Variants in KLHDC1 observed in about 807,000 individuals in gnomAD.
KLHDC1 encodes the protein kelch domain containing 1, also known as kelch domain-containing protein 1.
A neutral mutation model predicts 68.3 loss-of-function variants in KLHDC1; 53 were observed. The ratio of observed to expected loss-of-function variants is 0.78; its 90% CI spans 0.62 to 0.98. KLHDC1 has a LOEUF of 0.98. Among genes scored for constraint, KLHDC1 ranks in the 50% least tolerant of loss-of-function variants. KLHDC1 has a pLI of 0.00. For synonymous variants in KLHDC1, 148 were observed against 159.0 expected, an observed-to-expected ratio of 0.93 and a Z score of 0.52; for missense variants, 470 against 492.3, an observed-to-expected ratio of 0.95 and a Z score of 0.43.
At chr14:49,736,117 A>C (rs1253408490) in intron 10 of KLHDC1, among the ~76,000 whole-genome samples, 1 of 152,224 alleles carries the variant, frequency 6.6e-6, no homozygotes, top group East Asian at 1.9e-4. Context: ...GATTGTATGA[A>C]TGCATTATAG....
chr14:49,705,328 A>G (rs1447174464), intron 1 of KLHDC1, among the ~76,000 whole-genome samples: 1 of 149,582 alleles, frequency 6.7e-6, no homozygotes, highest in Admixed American at 6.7e-5. Context: ...ACTTAAACAG[A>G]GTAATGACAA....
In KLHDC1 at chr14:49,739,483, A is replaced by G. The variant is rs1258115155; in HGVS notation, c.897-615A>G. On this transcript the variant is annotated intron_variant, in intron 10 of 12. Coordinates refer to ENST00000359332, the MANE Select transcript of KLHDC1 (RefSeq NM_172193.3). Reference sequence around the variant, plus strand: ...TGAGAGACTGAAAAACTAGGAACATATTATGGTGTTCTGTACTCAGAGTGA... The same window carrying G: ...TGAGAGACTGAAAAACTAGGAACATGTTATGGTGTTCTGTACTCAGAGTGA... Among the ~76,000 whole-genome samples, 4 of 152,302 alleles carry G rather than the reference A, an allele frequency of 2.6e-5. No individual in the cohort carries two copies. The East Asian group carries it at 5.8e-4, about 22-fold the overall frequency.
chr14:49,732,823 T>A lies in KLHDC1; in HGVS notation c.823+7T>A. On this transcript the variant is annotated splice_region_variant and intron_variant, in intron 9 of 12. Transcript: ENST00000359332. ...GCAGATAATATCCCATTAAGTAAGT[T>A]GATTAAGGTTTAGCCTATAATTATT... The A allele has an allele frequency of 7.9e-7, 1 of 1,270,294 alleles. No individual in the cohort carries two copies. Among genetic ancestry groups the A allele is most frequent in the Non-Finnish European group, 1.1e-6 (1 of 871,278 alleles). 78.7% of individuals were successfully genotyped at this position (1,270,294 alleles called of 1,614,324 possible). A position where few individuals can be genotyped will look rare whatever the true frequency, so the allele number is the denominator to read the frequency against.
intron 5 of KLHDC1, among the ~76,000 whole-genome samples, chr14:49,724,392 A>G (rs1369005642): frequency 6.6e-6 from 1 of 152,162 alleles, no homozygotes; most frequent in Non-Finnish European, 1.5e-5. Flanking sequence ...TGATTAGACA[A>G]TAAATCATTA....
intron 1 of KLHDC1, chr14:49,707,645 C>CG (rs1325179678): frequency 1.2e-5 from 1 of 84,892 alleles, no homozygotes; most frequent in Non-Finnish European, 2.3e-5. Context: ...TACACCTGGC[C>CG]CTTTTTTTTT....
intron 1 of KLHDC1, among the ~76,000 whole-genome samples, chr14:49,695,340 T>C (rs1484611003): frequency 6.6e-6 from 1 of 152,156 alleles, no homozygotes. Flanking sequence ...AAAGTCAAAA[T>C]GATTCCTTGA....
At chr14:49,702,234 A>G (rs953061372) in intron 1 of KLHDC1, among the ~76,000 whole-genome samples, 24 of 152,138 alleles carry the variant, frequency 1.6e-4, no homozygotes, top group Admixed American at 7.9e-4. Flanking sequence ...TGCAATTTAC[A>G]AAATAAATAC....
chr14:49,728,465 T>C (rs978084453), intron 6 of KLHDC1, among the ~76,000 whole-genome samples: 5 of 152,260 alleles, frequency 3.3e-5, no homozygotes, highest in African/African-American at 1.2e-4. Flanking sequence ...GAACTTCTTA[T>C]TGTAAATTTG....
chr14:49,713,810 A>T (rs193096082), intron 4 of KLHDC1, among the ~76,000 whole-genome samples: 7 of 2,600 alleles, frequency 2.7e-3, no homozygotes, highest in Admixed American at 6.0e-3. Context: ...ATATATATAT[A>T]TATATATATA....
intron 1 of KLHDC1, among the ~76,000 whole-genome samples, chr14:49,697,614 A>G (rs1055308192): frequency 2.6e-5 from 4 of 152,226 alleles, no homozygotes; most frequent in African/African-American, 9.6e-5. Flanking sequence ...CAAGCACAGT[A>G]AAGCAAAGCA....
chr14:49,693,878 C>A (rs1324919444), intron 1 of KLHDC1, among the ~76,000 whole-genome samples: 2 of 151,250 alleles, frequency 1.3e-5, no homozygotes, highest in African/African-American at 4.9e-5. Context: ...CTCAGCCTCC[C>A]TAGTAGCTGG....
intron 4 of KLHDC1, among the ~76,000 whole-genome samples, chr14:49,719,020 C>G (rs1004085306): frequency 6.6e-6 from 1 of 151,900 alleles, no homozygotes; most frequent in African/African-American, 2.4e-5. Flanking sequence ...CTCAAGTGAT[C>G]AGCCTGCCTT....
intron 4 of KLHDC1, among the ~76,000 whole-genome samples, chr14:49,718,741 GT>G (rs1888442668): frequency 9.5e-6 from 1 of 105,294 alleles, no homozygotes; most frequent in African/African-American, 3.6e-5. Flanking sequence ...CTTTTGTTTT[GT>G]TGTTTTTCTT....
intron 9 of KLHDC1, among the ~76,000 whole-genome samples, chr14:49,733,231 C>T (rs1400937490): frequency 6.6e-6 from 1 of 152,052 alleles, no homozygotes; most frequent in Non-Finnish European, 1.5e-5. Context: ...AGTTGCTTCT[C>T]TTTTTGTTCC....
intron 1 of KLHDC1, among the ~76,000 whole-genome samples, chr14:49,706,625 A>T (rs1277003197): frequency 1.3e-5 from 2 of 152,088 alleles, no homozygotes; most frequent in Non-Finnish European, 2.9e-5. Context: ...CCTTTTCTTC[A>T]CTTCCTTGCC....
rs1888868650 is a variant in KLHDC1 at position 49,733,657 on chromosome 14, G to A, written c.823+841G>A. Among the ~76,000 whole-genome samples the A allele has an allele frequency of 1.3e-5, 2 of 151,926 alleles. 1 individual carries two copies. The highest frequency in any genetic ancestry group is 4.1e-4 in the South Asian group (2 of 4,830). On this transcript the variant is annotated intron_variant, in intron 9 of 12. Coordinates refer to ENST00000359332, the MANE Select transcript of KLHDC1 (RefSeq NM_172193.3). ...AGGCTGGTCTCGAATTCCTGACCTC[G>A]TGATCCACCCGCCTCAGCCTCCCAA...
chr14:49,746,782 T>G (rs1889208549), intron 12 of KLHDC1, among the ~76,000 whole-genome samples: 5 of 152,158 alleles, frequency 3.3e-5, no homozygotes, highest in Admixed American at 3.3e-4. Flanking sequence ...CTTTTCATTC[T>G]TTATGACCTT....
chr14:49,715,739 C>CAAAAAAA (rs1168439082), intron 4 of KLHDC1, among the ~76,000 whole-genome samples: 1 of 54,924 alleles, frequency 1.8e-5, no homozygotes, highest in African/African-American at 7.9e-5. Context: ...GACTCTGTCT[C>CAAAAAAA]AAAAAAAAAA....
intron 1 of KLHDC1, among the ~76,000 whole-genome samples, chr14:49,705,491 C>T (rs1185691713): frequency 1.3e-5 from 2 of 148,158 alleles, no homozygotes; most frequent in Non-Finnish European, 3.0e-5. Flanking sequence ...GTCTCAGCCT[C>T]CTGAATAGCT....
Sources: allele counts gnomAD v4.1 joint callset (sites outside exome capture counted in the v4.1 genomes callset), GRCh38; gene constraint gnomAD v4.1.1; transcripts MANE v1.5; gene names NCBI Gene and HGNC (gene_info 2026-07-23, HGNC 2026-07-21).